Variants in PCDH11Y observed in about 807,000 individuals in gnomAD.
PCDH11Y encodes protocadherin-11 Y-linked.
For missense variants in PCDH11Y, 12 were observed against 224.8 expected, an observed-to-expected ratio of 0.05 and a Z score of 6.05; for synonymous variants, 9 against 83.6, an observed-to-expected ratio of 0.11 and a Z score of 4.87.
chrY:5,014,102 CATCTGA>C (rs2052557219), intron 1 of PCDH11Y, among the ~76,000 whole-genome samples: 4 of 27,509 alleles, frequency 1.5e-4, no homozygotes. Context: ...GATTTTTTTT[CATCTGA>C]ATCTCACAAC....
intron 3 of PCDH11Y, among the ~76,000 whole-genome samples, chrY:5,538,008 C>A (rs2053402166): frequency 1.1e-3 from 37 of 33,427 alleles, no homozygotes; most frequent in Non-Finnish European, 2.2e-4. Context: ...TCAGCTGATG[C>A]TTATGTTTAT....
chrY:5,026,000 T>G, intron 1 of PCDH11Y, among the ~76,000 whole-genome samples: 2 of 29,024 alleles, frequency 6.9e-5, no homozygotes, highest in East Asian at 1.8e-3. Flanking sequence ...GTATAAAAGT[T>G]GTGGATTTCT....
intron 2 of PCDH11Y, among the ~76,000 whole-genome samples, chrY:5,422,956 G>T: frequency 3.0e-5 from 1 of 32,928 alleles, no homozygotes; most frequent in Non-Finnish European, 7.5e-5. Context: ...ACACTTTTGT[G>T]CATCAAAGGA....
At chrY:5,293,907 C>T (rs2124662243) in intron 2 of PCDH11Y, among the ~76,000 whole-genome samples, 14 of 31,952 alleles carry the variant, frequency 4.4e-4, no homozygotes, top group African/African-American at 1.7e-3. Context: ...TTTATATTGG[C>T]ATGGAATATC....
intron 3 of PCDH11Y, among the ~76,000 whole-genome samples, chrY:5,511,140 C>T: frequency 6.1e-5 from 2 of 32,875 alleles, no homozygotes; most frequent in Admixed American, 5.7e-4. Context: ...ATAAAAGCTA[C>T]TTTTACTAGC....
intron 2 of PCDH11Y, among the ~76,000 whole-genome samples, chrY:5,493,152 T>C (rs2053340599): frequency 3.0e-5 from 1 of 33,489 alleles, no homozygotes; most frequent in African/African-American, 1.2e-4. Flanking sequence ...ACAAGAAATA[T>C]TTTGATCCAA....
chrY:5,065,906 T>A (rs1602855131), intron 1 of PCDH11Y, among the ~76,000 whole-genome samples: 2 of 31,422 alleles, frequency 6.4e-5, no homozygotes, highest in East Asian at 8.5e-4. Flanking sequence ...CTTATTTTTT[T>A]AAAAAAGATT....
At chrY:5,097,557 C>T (rs2124635145) in intron 1 of PCDH11Y, among the ~76,000 whole-genome samples, 1 of 33,016 alleles carries the variant, frequency 3.0e-5, no homozygotes, top group African/African-American at 1.2e-4. Context: ...GTTCGAAAAC[C>T]AAACATTGTG....
At chrY:5,167,163 CT>C (rs2052879940) in intron 2 of PCDH11Y, among the ~76,000 whole-genome samples, 3 of 23,958 alleles carry the variant, frequency 1.3e-4, no homozygotes, top group Non-Finnish European at 2.0e-4. Flanking sequence ...TGCTTTCCCC[CT>C]GAATATCAAA....
At chrY:5,471,680 T>C in intron 2 of PCDH11Y, among the ~76,000 whole-genome samples, 1 of 32,663 alleles carries the variant, frequency 3.1e-5, no homozygotes, top group Admixed American at 2.8e-4. Flanking sequence ...ATTTTAGAAG[T>C]ACTTGTAGGG....
intron 2 of PCDH11Y, among the ~76,000 whole-genome samples, chrY:5,239,744 G>A (rs2052986289): frequency 3.1e-5 from 1 of 32,679 alleles, no homozygotes; most frequent in Non-Finnish European, 7.5e-5. Context: ...AGAAAATGGT[G>A]GACTTTAATC....
At chrY:5,059,334 C>A (rs1602853328) in intron 1 of PCDH11Y, among the ~76,000 whole-genome samples, 10 of 32,734 alleles carry the variant, frequency 3.1e-4, no homozygotes, top group African/African-American at 7.1e-4. Flanking sequence ...ATTTTAATAG[C>A]CACGTGGTTA....
intron 2 of PCDH11Y, among the ~76,000 whole-genome samples, chrY:5,357,959 C>T (rs2053169768): frequency 3.0e-5 from 1 of 33,122 alleles, no homozygotes; most frequent in African/African-American, 1.2e-4. Context: ...TTCTTTGAGA[C>T]GGAGTTTACT....
At chrY:5,404,105 G>T (rs2053236480) in intron 2 of PCDH11Y, among the ~76,000 whole-genome samples, 1 of 32,880 alleles carries the variant, frequency 3.0e-5, no homozygotes, top group African/African-American at 1.2e-4. Flanking sequence ...ATTTTCATAT[G>T]AATAATTTCA....
intron 1 of PCDH11Y, among the ~76,000 whole-genome samples, chrY:5,065,580 C>T: frequency 3.1e-5 from 1 of 32,701 alleles, no homozygotes; most frequent in African/African-American, 1.2e-4. Context: ...GCCTATTTTA[C>T]GACTTAAACT....
intron 4 of PCDH11Y, among the ~76,000 whole-genome samples, chrY:5,598,958 C>T (rs2053470155): frequency 3.1e-5 from 1 of 32,397 alleles, no homozygotes; most frequent in Admixed American, 2.9e-4. Flanking sequence ...CTGGGTTGGA[C>T]GGTGAGTCTG....
chrY:5,611,698 CA>C (rs1240893435), intron 4 of PCDH11Y, among the ~76,000 whole-genome samples: 1 of 29,597 alleles, frequency 3.4e-5, no homozygotes, highest in Non-Finnish European at 8.1e-5. Context: ...TGGTGGGCTC[CA>C]CCCAGTTCGA....
At chrY:5,312,776 A>G (rs2053103109) in intron 2 of PCDH11Y, among the ~76,000 whole-genome samples, 33 of 30,007 alleles carry the variant, frequency 1.1e-3, no homozygotes, top group African/African-American at 3.7e-3. Flanking sequence ...ATCATTATAA[A>G]AATTGCATTT....
chrY:5,009,805 G>A, intron 1 of PCDH11Y, among the ~76,000 whole-genome samples: 2 of 33,839 alleles, frequency 5.9e-5, no homozygotes, highest in East Asian at 7.8e-4. Flanking sequence ...CTACCAGAGC[G>A]TTGGATGATA....
Sources: gnomAD v4.1 joint callset for allele counts (sites outside exome capture counted in the v4.1 genomes callset) on GRCh38, gnomAD v4.1.1 for gene constraint, MANE v1.5 for transcripts, NCBI Gene and HGNC (gene_info 2026-07-23, HGNC 2026-07-21) for gene names.